Variants in IL7 observed in about 807,000 individuals in gnomAD.
IL7 encodes the protein interleukin-7.
Under a neutral mutation model 21.6 loss-of-function variants are expected in IL7, and 3 were observed. That is an observed-to-expected ratio of 0.14 (90% CI 0.06 to 0.36). The LOEUF is 0.36. Ranked by LOEUF, IL7 falls within the 10% of genes least tolerant of loss-of-function variation. IL7 has a pLI of 1.00. For synonymous variants in IL7, 62 were observed against 68.1 expected (o/e 0.91, Z 0.44); for missense variants, 175 against 200.2 (o/e 0.87, Z 0.76).
intron 3 of IL7, among the ~76,000 whole-genome samples, chr8:78,700,449 G>A (rs781301383): frequency 2.6e-5 from 4 of 152,006 alleles, no homozygotes. Context: ...CTCCCATTCT[G>A]TAGGTTGTCT....
At chr8:78,697,580 C>A in intron 3 of IL7, 1 of 1,077,586 alleles carries the variant, frequency 9.3e-7, no homozygotes, top group South Asian at 1.4e-5. Flanking sequence ...AGATAGTGGT[C>A]TATTCTGGAA....
chr8:78,712,990 G>A (rs1169710503), downstream of IL7, among the ~76,000 whole-genome samples: 4 of 152,150 alleles, frequency 2.6e-5, no homozygotes, highest in Non-Finnish European at 5.9e-5. Context: ...TTTAAGTAGT[G>A]ATAAATCCTA....
At chr8:78,800,628 C>A (rs1157024012) in intron 1 of IL7, among the ~76,000 whole-genome samples, 1 of 152,188 alleles carries the variant, frequency 6.6e-6, no homozygotes, top group African/African-American at 2.4e-5. Context: ...CAAACCTCTG[C>A]TGATGGACAT....
intron 2 of IL7, among the ~76,000 whole-genome samples, chr8:78,788,814 C>T (rs548316304): frequency 8.5e-5 from 13 of 152,240 alleles, no homozygotes; most frequent in African/African-American, 2.9e-4. Context: ...CAATTACTGA[C>T]AGAAGGCTGT....
chr8:78,675,150 A>G (rs1465987162), downstream of IL7, among the ~76,000 whole-genome samples: 3 of 151,534 alleles, frequency 2.0e-5, no homozygotes, highest in Non-Finnish European at 4.4e-5. Context: ...TTAATAATTG[A>G]GTGAAAGTTG....
At chr8:78,800,025 A>C (rs1326957635) in intron 1 of IL7, among the ~76,000 whole-genome samples, 5 of 152,190 alleles carry the variant, frequency 3.3e-5, no homozygotes, top group African/African-American at 1.2e-4. Flanking sequence ...TATCACCTGA[A>C]TAGTGAACAT....
At chr8:78,802,354 A>T (rs1337047033) in intron 1 of IL7, among the ~76,000 whole-genome samples, 1 of 152,190 alleles carries the variant, frequency 6.6e-6, no homozygotes, top group Non-Finnish European at 1.5e-5. Context: ...TAAGTACTAC[A>T]AGTTATTCAC....
At chr8:78,800,743 G>T (rs1372161441) in intron 1 of IL7, among the ~76,000 whole-genome samples, 1 of 152,146 alleles carries the variant, frequency 6.6e-6, no homozygotes, top group East Asian at 1.9e-4. Flanking sequence ...TCTTACAGGG[G>T]TCCAAAAGGT....
exon 5 of IL7, chr8:78,676,099 G>T: frequency 2.9e-6 from 1 of 339,800 alleles, no homozygotes; most frequent in East Asian, 4.4e-5. Flanking sequence ...CTCATTTTAC[G>T]AGACTCTTAC....
At chr8:78,774,871 G>T (rs1813080682) in intron 2 of IL7, among the ~76,000 whole-genome samples, 1 of 151,990 alleles carries the variant, frequency 6.6e-6, no homozygotes, top group African/African-American at 2.4e-5. Context: ...GTTTTCATTT[G>T]TGAAAATACC....
At chr8:78,780,428 G>A (rs1586099113) in intron 2 of IL7, among the ~76,000 whole-genome samples, 1 of 152,256 alleles carries the variant, frequency 6.6e-6, no homozygotes, top group East Asian at 1.9e-4. Flanking sequence ...CTGGCACACT[G>A]CCTCTTTGTT....
At chr8:78,726,099 A>G (rs771288572) in intron 3 of IL7, among the ~76,000 whole-genome samples, 5 of 152,098 alleles carry the variant, frequency 3.3e-5, no homozygotes, top group Non-Finnish European at 5.9e-5. Context: ...GGGAAATGTG[A>G]GGGAGGGTGG....
In IL7 at chr8:78,708,663, G is replaced by A. The variant is rs566649612; in HGVS notation, n.214+12685C>T. Reference sequence around the variant, plus strand: ...AGAAAGTTTTTCCCTTCTTCTAAAAGATGATTATCTTTTTTTTTTCTTTTT... The same window carrying A: ...AGAAAGTTTTTCCCTTCTTCTAAAAAATGATTATCTTTTTTTTTTCTTTTT... On this transcript the variant is annotated intron_variant and non_coding_transcript_variant, in intron 3 of 4. Coordinates refer to the IL7 transcript ENST00000523959. Among the ~76,000 whole-genome samples the A allele has an allele frequency of 4.1e-5, 6 of 147,416 alleles. No homozygotes were observed. In the South Asian group the frequency reaches 1.3e-3, roughly 32 times the overall value.
At chr8:78,788,608 T>C (rs78566055) in intron 2 of IL7, among the ~76,000 whole-genome samples, 2,220 of 152,304 alleles carry the variant, frequency 0.015, 44 homozygotes, top group African/African-American at 0.049. Context: ...ACTTGTACTT[T>C]ATAAAAATTT....
chr8:78,766,130 C>A (rs890360414), intron 2 of IL7, among the ~76,000 whole-genome samples: 1 of 152,026 alleles, frequency 6.6e-6, no homozygotes, highest in Non-Finnish European at 1.5e-5. Flanking sequence ...AAAGGTAAAA[C>A]TAGAGACAGT....
chr8:78,787,757 G>A (rs1813559630), intron 2 of IL7, among the ~76,000 whole-genome samples: 1 of 152,132 alleles, frequency 6.6e-6, no homozygotes, highest in Non-Finnish European at 1.5e-5. Context: ...TCTTCAAAGT[G>A]GAGTGTTAGT....
intron 3 of IL7, among the ~76,000 whole-genome samples, chr8:78,702,699 C>T (rs988649151): frequency 4.6e-5 from 7 of 152,016 alleles, no homozygotes; most frequent in Admixed American, 2.0e-4. Context: ...CCGATTTCTG[C>T]GTTAATTTCA....
intron 5 of IL7, among the ~76,000 whole-genome samples, chr8:78,720,352 T>G (rs996708360): frequency 2.0e-5 from 3 of 151,884 alleles, no homozygotes; most frequent in Non-Finnish European, 4.4e-5. Context: ...GTACGTTGAT[T>G]TTTTTCAAAT....
At chr8:78,722,563 A>T (rs1811260430) in intron 3 of IL7, among the ~76,000 whole-genome samples, 1 of 151,958 alleles carries the variant, frequency 6.6e-6, no homozygotes, top group South Asian at 2.1e-4. Flanking sequence ...ACTAATCAAG[A>T]ACTATGATCT....
Sources: gnomAD v4.1 joint callset for allele counts (sites outside exome capture counted in the v4.1 genomes callset) on GRCh38, gnomAD v4.1.1 for gene constraint, MANE v1.5 for transcripts, NCBI Gene and HGNC (gene_info 2026-07-23, HGNC 2026-07-21) for gene names.